The following ZFHX3 variants were observed in gnomAD, a reference collection of about 807,000 sequenced individuals.
ZFHX3 encodes zinc finger homeobox 3, also known as zinc finger homeobox protein 3.
A neutral mutation model predicts 279.1 loss-of-function variants in ZFHX3; 42 were observed. The ratio of observed to expected loss-of-function variants is 0.15; its 90% CI spans 0.12 to 0.19. ZFHX3 has a LOEUF of 0.19. Among genes scored for constraint, ZFHX3 ranks in the 10% least tolerant of loss-of-function variants. The pLI is 1.00. For synonymous variants in ZFHX3, 2,293 were observed against 1,957.8 expected (o/e 1.17, Z -4.52); for missense variants, 4,981 against 4,754.0 (o/e 1.05, Z -1.40).
In ZFHX3 at chr16:72,788,780, T is replaced by A. The variant is rs781302861; in HGVS notation, c.9496A>T (p.Thr3166Ser). 9 of 1,552,434 alleles carry A rather than the reference T, an allele frequency of 5.8e-6. No individual in the cohort carries two copies. The South Asian group carries it at 8.8e-5, about 15-fold the overall frequency. Residue 3166 changes from threonine (T) to serine (S), a missense_variant, in exon 10 of 10, where the codon ACT (threonine) becomes TCT (serine). This residue lies in a region of ZFHX3 where 1,034 missense variants were observed against 786.0 expected (regional missense o/e 1.32). Coordinates refer to ENST00000268489, the MANE Select transcript of ZFHX3 (RefSeq NM_006885.4). ...STTVPSPGLPTSGLPNKPSSA... is the reference protein window; with the variant it reads ...STTVPSPGLPSSGLPNKPSSA... ...GACGGTTTATTTGGTAATCCAGAAG[T>A]GGGGAGGCCAGGGGAAGGAACAGTT...
intron 1 of ZFHX3, chr16:73,794,371 A>G (rs745331147): frequency 2.6e-5 from 4 of 152,238 alleles, no homozygotes; most frequent in Non-Finnish European, 4.4e-5. Flanking sequence ...CAAGCTGCTC[A>G]TCAATTTCAA....
intron 2 of ZFHX3, among the ~76,000 whole-genome samples, chr16:73,465,062 G>A (rs914520975): frequency 2.0e-5 from 3 of 152,256 alleles, no homozygotes; most frequent in South Asian, 2.1e-4. Context: ...CCGGCACACC[G>A]GCCAGCTGCT....
intron 3 of ZFHX3, among the ~76,000 whole-genome samples, chr16:72,905,685 T>C (rs1449355547): frequency 6.6e-6 from 1 of 152,170 alleles, no homozygotes; most frequent in Non-Finnish European, 1.5e-5. Context: ...GTACATATTT[T>C]AGTTCTAAAC....
rs994232504 is a variant in ZFHX3, at chr16:73,816,023, T to C, written c.-1608+75628A>G. 3 of 152,204 alleles carry C rather than the reference T, an allele frequency of 2.0e-5. No homozygotes were observed. In the East Asian group the frequency reaches 5.8e-4, roughly 29 times the overall value. The allele number at this position is 152,204 out of a possible 1,614,324, so 9.4% of individuals were successfully genotyped here. A position where few individuals can be genotyped will look rare whatever the true frequency, so the allele number is the denominator to read the frequency against. ...CTTTGTGGGCTCAATAGCTGTGTCT[T>C]CATTTATAAAAATAAAATGGTAGAG... On this transcript the variant is annotated intron_variant, in intron 1 of 17. Transcript: ENST00000641206.
intron 3 of ZFHX3, among the ~76,000 whole-genome samples, chr16:73,335,103 GACAT>G (rs2015886894): frequency 6.6e-6 from 1 of 151,900 alleles, no homozygotes; most frequent in African/African-American, 2.4e-5. Flanking sequence ...GAAAAACCAA[GACAT>G]ACATAAAGAG....
intron 1 of ZFHX3, among the ~76,000 whole-genome samples, chr16:73,706,944 G>C (rs1045902687): frequency 3.3e-5 from 5 of 152,186 alleles, no homozygotes; most frequent in African/African-American, 1.2e-4. Context: ...GGCCCTGGCA[G>C]TGTATTGCAC....
intron 3 of ZFHX3, among the ~76,000 whole-genome samples, chr16:72,937,072 A>G (rs1256780415): frequency 6.6e-6 from 1 of 151,986 alleles, no homozygotes; most frequent in African/African-American, 2.4e-5. Flanking sequence ...GAGATGGGGG[A>G]GCCCATAAGC....
intron 4 of ZFHX3, among the ~76,000 whole-genome samples, chr16:73,306,426 TCTC>T (rs1471164776): frequency 6.6e-6 from 1 of 152,132 alleles, no homozygotes; most frequent in Non-Finnish European, 1.5e-5. Flanking sequence ...TTCAAGCAAT[TCTC>T]CTGCCTCAGC....
intron 1 of ZFHX3, among the ~76,000 whole-genome samples, chr16:73,742,253 T>C (rs949770879): frequency 6.6e-6 from 1 of 152,226 alleles, no homozygotes; most frequent in Non-Finnish European, 1.5e-5. Context: ...TTTGTCTAGT[T>C]CACCCATTTT....
rs1334897817 is a variant in ZFHX3 at position 72,786,080 on chromosome 16, GAATT to G, written c.*1080_*1083del. On this transcript the variant is annotated 3_prime_UTR_variant, in exon 10 of 10. Transcript: ENST00000268489. ...AGGTGGGAGAAGGAAAGAGAAAGTG[GAATT>G]AAGGGACAAGAAAGAGAAAGTGGAA... The G allele has an allele frequency of 6.6e-6, 1 of 151,954 alleles. No individual in the cohort carries two copies. Among genetic ancestry groups the G allele is most frequent in the Non-Finnish European group, 1.5e-5 (1 of 67,996 alleles). 9.4% of individuals were successfully genotyped at this position (151,954 alleles called of 1,614,324 possible).
At chr16:73,471,938 C>G (rs1001047337) in intron 2 of ZFHX3, among the ~76,000 whole-genome samples, 2 of 152,124 alleles carry the variant, frequency 1.3e-5, no homozygotes, top group African/African-American at 4.8e-5. Flanking sequence ...GGTGATCCTC[C>G]TCCCCACTTT....
At chr16:73,710,089 A>G (rs1000959909) in intron 1 of ZFHX3, among the ~76,000 whole-genome samples, 3 of 152,202 alleles carry the variant, frequency 2.0e-5, no homozygotes, top group African/African-American at 7.2e-5. Flanking sequence ...AGGCTGAGGC[A>G]GGAGAATTTC....
intron 2 of ZFHX3, among the ~76,000 whole-genome samples, chr16:73,557,521 T>C (rs967628512): frequency 6.6e-6 from 1 of 152,180 alleles, no homozygotes; most frequent in African/African-American, 2.4e-5. Context: ...TTCTTGAAGA[T>C]ATGCTAAACA....
chr16:73,530,478 T>C (rs891080561), intron 2 of ZFHX3, among the ~76,000 whole-genome samples: 1 of 152,160 alleles, frequency 6.6e-6, no homozygotes, highest in Non-Finnish European at 1.5e-5. Context: ...ATTCCAAAAG[T>C]TACAATAGTT....
At chr16:72,887,874 TGTGC>T (rs1567566089) in intron 4 of ZFHX3, among the ~76,000 whole-genome samples, 1 of 152,072 alleles carries the variant, frequency 6.6e-6, no homozygotes, top group East Asian at 1.9e-4. Flanking sequence ...AGTGTATGTG[TGTGC>T]GCGCACGTGC....
At chr16:73,049,412 G>A (rs1376575478), upstream of ZFHX3, among the ~76,000 whole-genome samples, 1 of 152,214 alleles carries the variant, frequency 6.6e-6, no homozygotes, top group Non-Finnish European at 1.5e-5. Flanking sequence ...GTATTAGCAT[G>A]AGGCACACAC....
chr16:73,421,198 C>T (rs2017711747), intron 3 of ZFHX3: 3 of 152,196 alleles, frequency 2.0e-5, no homozygotes, highest in Non-Finnish European at 2.9e-5. Flanking sequence ...CCGTCCAAAT[C>T]TCTTGGCTTG....
intron 3 of ZFHX3, among the ~76,000 whole-genome samples, chr16:73,396,110 C>G (rs1212672124): frequency 6.6e-6 from 1 of 152,164 alleles, no homozygotes; most frequent in Non-Finnish European, 1.5e-5. Flanking sequence ...GCTGAAGGAC[C>G]TAAATGGAAG....
chr16:73,845,000 C>T (rs979900245), intron 1 of ZFHX3, among the ~76,000 whole-genome samples: 1 of 152,064 alleles, frequency 6.6e-6, no homozygotes, highest in African/African-American at 2.4e-5. Context: ...GCTGCTGGAA[C>T]CCAAAATGAG....
Sources: gnomAD v4.1 joint callset for allele counts (sites outside exome capture counted in the v4.1 genomes callset) on GRCh38, gnomAD v4.1.1 for gene constraint, gnomAD v4.1.1 regional missense constraint, MANE v1.5 for transcripts, NCBI Gene and HGNC (gene_info 2026-07-23, HGNC 2026-07-21) for gene names.